The following NEK6 variants were observed in gnomAD, a reference collection of about 807,000 sequenced individuals.
The protein encoded by NEK6 is NIMA related kinase 6, also known as serine/threonine-protein kinase Nek6.
In NEK6, 27 loss-of-function variants were observed where a neutral mutation model predicts 43.5. The observed-to-expected ratio is 0.62, with a 90% CI of 0.46 to 0.86. NEK6 has a LOEUF of 0.86. Ranked by LOEUF, NEK6 falls within the 40% of genes least tolerant of loss-of-function variation. NEK6 has a pLI of 0.00. For synonymous variants in NEK6, 167 were observed against 164.1 expected (o/e 1.02, Z -0.14); for missense variants, 318 against 414.4 (o/e 0.77, Z 2.02).
intron 4 of NEK6, among the ~76,000 whole-genome samples, chr9:124,315,997 G>A (rs1285024780): frequency 1.3e-4 from 20 of 152,212 alleles, no homozygotes; most frequent in Admixed American, 1.2e-3. Context: ...TGTGTGGTAC[G>A]CTCGCCGCCC....
At chr9:124,336,241 GAAA>G (rs1053133790) in intron 7 of NEK6, among the ~76,000 whole-genome samples, 1 of 150,896 alleles carries the variant, frequency 6.6e-6, no homozygotes, top group South Asian at 2.1e-4. Context: ...CTGTCTTAAA[GAAA>G]AAAAAGAAGA....
At chr9:124,315,267 G>A (rs147154898) in intron 4 of NEK6, among the ~76,000 whole-genome samples, 164 of 152,356 alleles carry the variant, frequency 1.1e-3, no homozygotes, top group African/African-American at 3.4e-3. Context: ...CTGGAAGGCC[G>A]AAGTGAGCCT....
intron 1 of NEK6, among the ~76,000 whole-genome samples, chr9:124,264,362 C>T (rs1420547288): frequency 6.6e-6 from 1 of 152,188 alleles, no homozygotes; most frequent in Admixed American, 6.5e-5. Flanking sequence ...TCACAGGGGC[C>T]CAGCCTCTAC....
At chr9:124,280,668 G>A (rs1389791747) in intron 1 of NEK6, among the ~76,000 whole-genome samples, 1 of 152,234 alleles carries the variant, frequency 6.6e-6, no homozygotes, top group Admixed American at 6.5e-5. Flanking sequence ...GGAGCACCAG[G>A]CATCTGGCAC....
intron 1 of NEK6, among the ~76,000 whole-genome samples, chr9:124,267,021 T>C (rs1292767303): frequency 1.3e-5 from 2 of 152,344 alleles, no homozygotes; most frequent in East Asian, 3.9e-4. Flanking sequence ...ATAGGAGGGC[T>C]TTGGGTTGGA....
At chr9:124,332,542 C>G (rs1829056403) in intron 7 of NEK6, among the ~76,000 whole-genome samples, 1 of 152,338 alleles carries the variant, frequency 6.6e-6, no homozygotes, top group South Asian at 2.1e-4. Flanking sequence ...GCCCCCCAGC[C>G]CAATGTCCCG....
intron 7 of NEK6, among the ~76,000 whole-genome samples, chr9:124,335,286 A>AT (rs1244185887): frequency 1.8e-4 from 28 of 152,180 alleles, no homozygotes; most frequent in South Asian, 2.1e-4. Flanking sequence ...AAAATATACA[A>AT]GGTGTTGCTA....
chr9:124,307,864 C>T (rs939451075), intron 2 of NEK6, among the ~76,000 whole-genome samples: 1 of 152,182 alleles, frequency 6.6e-6, no homozygotes, highest in African/African-American at 2.4e-5. Context: ...CGCCAGCCGC[C>T]GAGGGGTGGG....
chr9:124,327,288 C>A, intron 6 of NEK6, 50 bp from the exon 7 acceptor site: 1 of 1,506,572 alleles, frequency 6.6e-7, no homozygotes, highest in Non-Finnish European at 9.2e-7. Context: ...CCTGCCCCAC[C>A]TACCCCAAGC....
At chr9:124,322,571 C>T (rs546212552) in intron 5 of NEK6, among the ~76,000 whole-genome samples, 1 of 152,380 alleles carries the variant, frequency 6.6e-6, no homozygotes, top group Admixed American at 6.5e-5. Context: ...GCCTGACCCC[C>T]AGGCCCAAAC....
intron 1 of NEK6, among the ~76,000 whole-genome samples, chr9:124,277,715 GAGA>G (rs1382844235): frequency 6.6e-6 from 1 of 152,372 alleles, no homozygotes; most frequent in South Asian, 2.1e-4. Context: ...TTCCCTGTCA[GAGA>G]AGTTGTTTTG....
In NEK6 at chr9:124,275,792, A is replaced by G. The variant is rs1228925757; in HGVS notation, c.-30+17707A>G. ...GTGACGGTAATGAGGGGAGGGAGCA[A>G]TGCACCCTTCGTTTGTTCCTCAGGC... On this transcript the variant is annotated intron_variant, in intron 1 of 9. Transcript: ENST00000320246. The surrounding 1 kb of genome is among the most constrained non-coding windows in gnomAD (Gnocchi z 4.4). 6.6e-6 allele frequency among the ~76,000 whole-genome samples: 1 copy of G among 152,166 alleles called. No homozygotes were observed. The highest frequency in any genetic ancestry group is 1.5e-5 in the Non-Finnish European group (1 of 68,028).
intron 5 of NEK6, among the ~76,000 whole-genome samples, chr9:124,325,682 G>T (rs1834298820): frequency 6.6e-6 from 1 of 152,210 alleles, no homozygotes; most frequent in South Asian, 2.1e-4. Context: ...GTGTGGCCGG[G>T]GACCTTTAGT....
chr9:124,307,979 CAGAT>C (rs1232706002), intron 2 of NEK6, among the ~76,000 whole-genome samples: 1 of 152,220 alleles, frequency 6.6e-6, no homozygotes, highest in East Asian at 1.9e-4. Context: ...GCCCATTCGA[CAGAT>C]AGCAGCACAA....
chr9:124,310,188 G>C (rs1004914058), intron 2 of NEK6, among the ~76,000 whole-genome samples: 1 of 152,238 alleles, frequency 6.6e-6, no homozygotes, highest in African/African-American at 2.4e-5. Context: ...GATCAGAACA[G>C]GTCACTGCTA....
intron 4 of NEK6, among the ~76,000 whole-genome samples, chr9:124,319,640 A>G (rs1833973323): frequency 6.6e-6 from 1 of 152,228 alleles, no homozygotes; most frequent in Admixed American, 6.5e-5. Context: ...ACATGGTGAA[A>G]AGTAGGGGTT....
At chr9:124,284,436 C>A (rs537885956) in intron 1 of NEK6, among the ~76,000 whole-genome samples, 1 of 152,252 alleles carries the variant, frequency 6.6e-6, no homozygotes, top group South Asian at 2.1e-4. Flanking sequence ...TGAACGGACT[C>A]GGGTCTTTCC....
chr9:124,349,206 G>A (rs1263351311), intron 9 of NEK6, among the ~76,000 whole-genome samples: 1 of 152,236 alleles, frequency 6.6e-6, no homozygotes, highest in East Asian at 1.9e-4. Context: ...CTGCACTTTT[G>A]GAGGAAGTAT....
intron 3 of NEK6, among the ~76,000 whole-genome samples, chr9:124,313,135 G>A (rs183971956): frequency 7.4e-4 from 112 of 152,296 alleles, no homozygotes; most frequent in African/African-American, 2.2e-3. Flanking sequence ...CATGAGAGCC[G>A]CTGGGCCCGT....
Sources: gnomAD v4.1 joint callset for allele counts (sites outside exome capture counted in the v4.1 genomes callset) on GRCh38, gnomAD v4.1.1 for gene constraint, Gnocchi (gnomAD v3.1) non-coding constraint, MANE v1.5 for transcripts, NCBI Gene and HGNC (gene_info 2026-07-23, HGNC 2026-07-21) for gene names.